Variants in ATXN1 observed in about 807,000 individuals in gnomAD.
ATXN1 encodes ataxin 1.
Under a neutral mutation model 56.4 loss-of-function variants are expected in ATXN1, and 8 were observed. The observed-to-expected ratio is 0.14, with a 90% CI of 0.08 to 0.26. ATXN1 has a LOEUF of 0.26. ATXN1 is among the 10% of genes least tolerant of loss of function. ATXN1 has a pLI of 1.00. For synonymous variants in ATXN1, 514 were observed against 494.6 expected, an observed-to-expected ratio of 1.04 and a Z score of -0.52; for missense variants, 987 against 1,106.5, an observed-to-expected ratio of 0.89 and a Z score of 1.53.
chr6:16,346,495 A>C (rs1258915131), intron 6 of ATXN1, among the ~76,000 whole-genome samples: 2 of 152,158 alleles, frequency 1.3e-5, no homozygotes, highest in African/African-American at 4.8e-5. Context: ...AAGAGAAGAA[A>C]CACCTTGCTC....
At chr6:16,396,416 C>T (rs935330151) in intron 6 of ATXN1, among the ~76,000 whole-genome samples, 5 of 151,796 alleles carry the variant, frequency 3.3e-5, no homozygotes, top group Non-Finnish European at 7.4e-5. Flanking sequence ...TTAGTTTCTA[C>T]AAAAACAAGC....
chr6:16,735,956 A>G (rs1760114983), intron 2 of ATXN1, among the ~76,000 whole-genome samples: 1 of 152,262 alleles, frequency 6.6e-6, no homozygotes, highest in African/African-American at 2.4e-5. Flanking sequence ...TACTCTGCAT[A>G]TAGTAGGCTG....
intron 6 of ATXN1, among the ~76,000 whole-genome samples, chr6:16,417,674 G>A (rs531599467): frequency 7.2e-5 from 11 of 152,122 alleles, no homozygotes; most frequent in Middle Eastern, 3.4e-3. Flanking sequence ...TCCTGACCTC[G>A]TGATCCCCCT....
intron 7 of ATXN1, among the ~76,000 whole-genome samples, chr6:16,319,856 CTT>C (rs533611516): frequency 3.6e-4 from 51 of 140,800 alleles, no homozygotes; most frequent in Non-Finnish European, 3.7e-4. Context: ...CATTTTTCTC[CTT>C]TTTTTTTTTT....
At chr6:16,744,636 G>T (rs1760464076) in intron 2 of ATXN1, among the ~76,000 whole-genome samples, 1 of 152,166 alleles carries the variant, frequency 6.6e-6, no homozygotes, top group South Asian at 2.1e-4. Context: ...TGGGAGAAGG[G>T]GAAAGGGGCC....
chr6:16,462,275 C>T (rs1483797195), intron 6 of ATXN1, among the ~76,000 whole-genome samples: 2 of 152,044 alleles, frequency 1.3e-5, no homozygotes, highest in Non-Finnish European at 2.9e-5. Context: ...ACTTTGGACA[C>T]CCCCTGAAGA....
intron 6 of ATXN1, among the ~76,000 whole-genome samples, chr6:16,387,623 G>T (rs940593741): frequency 1.3e-5 from 2 of 152,180 alleles, no homozygotes; most frequent in East Asian, 3.9e-4. Flanking sequence ...TTGTTGTGTT[G>T]TCATGAGCGG....
chr6:16,553,964 C>A (rs1398701049), intron 4 of ATXN1, among the ~76,000 whole-genome samples: 1 of 152,156 alleles, frequency 6.6e-6, no homozygotes, highest in Non-Finnish European at 1.5e-5. Flanking sequence ...GAACAGTTAT[C>A]CCTTTGTACA....
chr6:16,372,860 G>C (rs1327081342), intron 6 of ATXN1, among the ~76,000 whole-genome samples: 1 of 152,192 alleles, frequency 6.6e-6, no homozygotes, highest in Non-Finnish European at 1.5e-5. Context: ...AGGCTATAGG[G>C]AGCTGTGATT....
chr6:16,746,575 C>A (rs1054045759), intron 2 of ATXN1, among the ~76,000 whole-genome samples: 1 of 152,174 alleles, frequency 6.6e-6, no homozygotes, highest in African/African-American at 2.4e-5. Context: ...CTGAAAGATT[C>A]TTTCCAGTTA....
At chr6:16,325,102 G>A (rs1259701818) in intron 7 of ATXN1, among the ~76,000 whole-genome samples, 1 of 145,774 alleles carries the variant, frequency 6.9e-6, no homozygotes, top group Non-Finnish European at 1.5e-5. Context: ...ATCACACTTA[G>A]GGCTGCCTTC....
chr6:16,640,064 AT>A lies in ATXN1; in HGVS notation c.-489+17711del, dbSNP rs932037280. 1.9e-3 allele frequency among the ~76,000 whole-genome samples: 290 copies of A among 151,066 alleles called. 1 individual carries two copies. The highest frequency in any genetic ancestry group is 6.4e-3 in the African/African-American group (262 of 41,150). ...CTTTGTTGTCCTTTGCAGATACTGC[AT>A]TTTTTTTTCAAATTGAAGTTCTGTG... On this transcript the variant is annotated intron_variant, in intron 3 of 7. Transcript: ENST00000436367.
At chr6:16,717,024 T>C (rs1288604233) in intron 2 of ATXN1, among the ~76,000 whole-genome samples, 2 of 152,214 alleles carry the variant, frequency 1.3e-5, no homozygotes, top group African/African-American at 4.8e-5. Flanking sequence ...AGTTAGCGGT[T>C]TATAGTAAGA....
At chr6:16,436,822 G>A (rs1759402279) in intron 6 of ATXN1, among the ~76,000 whole-genome samples, 1 of 152,190 alleles carries the variant, frequency 6.6e-6, no homozygotes, top group African/African-American at 2.4e-5. Flanking sequence ...AGGAGGTACA[G>A]GGTCTGGACT....
At chr6:16,464,913 T>C (rs1272348707) in intron 6 of ATXN1, among the ~76,000 whole-genome samples, 1 of 152,146 alleles carries the variant, frequency 6.6e-6, no homozygotes, top group Non-Finnish European at 1.5e-5. Context: ...AATGTATCCA[T>C]ATTAGTTCAA....
At chr6:16,704,083 A>G (rs1407814018) in intron 2 of ATXN1, among the ~76,000 whole-genome samples, 2 of 152,196 alleles carry the variant, frequency 1.3e-5, no homozygotes, top group East Asian at 3.8e-4. Context: ...GTCTCTAACT[A>G]CCATTTAAAA....
At chr6:16,707,536 GC>G (rs989198347) in intron 2 of ATXN1, among the ~76,000 whole-genome samples, 5 of 152,142 alleles carry the variant, frequency 3.3e-5, no homozygotes, top group African/African-American at 1.2e-4. Flanking sequence ...CTTCTACTCT[GC>G]CCAGAGAATG....
At position 16,736,945 on chromosome 6, in the gene ATXN1, C is replaced by T. The variant is rs1185251474; in HGVS notation, c.-615+16288G>A. The T allele has an allele frequency of 2.0e-5, 3 of 152,336 alleles. No homozygotes were observed. In the East Asian group the frequency reaches 5.8e-4, roughly 29 times the overall value. 9.4% of individuals were successfully genotyped at this position (152,336 alleles called of 1,614,324 possible). A position where few individuals can be genotyped will look rare whatever the true frequency, so the allele number is the denominator to read the frequency against. ...GAGAAAAGCAAAAGCAAGATCATTG[C>T]TCCTTCACAGAGACTGGTAAATAAA... On this transcript the variant is annotated intron_variant, in intron 2 of 7. Coordinates refer to ENST00000436367, the MANE Select transcript of ATXN1 (RefSeq NM_001128164.2).
intron 3 of ATXN1, among the ~76,000 whole-genome samples, chr6:16,592,916 C>T (rs2113772502): frequency 6.6e-6 from 1 of 152,188 alleles, no homozygotes; most frequent in South Asian, 2.1e-4. Context: ...TTATTTTTCC[C>T]GTCCATGTCC....
Sources: allele counts gnomAD v4.1 joint callset (sites outside exome capture counted in the v4.1 genomes callset), GRCh38; gene constraint gnomAD v4.1.1; transcripts MANE v1.5; gene names NCBI Gene and HGNC (gene_info 2026-07-23, HGNC 2026-07-21).